DSG3: variants seen among roughly 807,000 people sequenced by gnomAD.
DSG3 encodes the protein desmoglein-3.
A neutral mutation model predicts 85.9 loss-of-function variants in DSG3; 63 were observed. The observed-to-expected ratio is 0.73, with a 90% confidence interval of 0.60 to 0.90. DSG3 has a LOEUF of 0.90. Ranked by LOEUF, DSG3 falls within the 40% of genes least tolerant of loss-of-function variation. DSG3 has a pLI of 0.00. For synonymous variants in DSG3, 447 were observed against 441.9 expected (o/e 1.01, Z -0.14); for missense variants, 1,220 against 1,219.9 (o/e 1.00, Z 0.00).
At chr18:31,473,425 G>T (rs998302147) in intron 14 of DSG3, among the ~76,000 whole-genome samples, 3 of 152,178 alleles carry the variant, frequency 2.0e-5, no homozygotes, top group African/African-American at 7.2e-5. Flanking sequence ...TGAACTAAAA[G>T]AACAATAATA....
chr18:31,457,945 C>T (rs1162295345), intron 3 of DSG3, among the ~76,000 whole-genome samples: 1 of 151,958 alleles, frequency 6.6e-6, no homozygotes, highest in Non-Finnish European at 1.5e-5. Flanking sequence ...ACTGTTCTAA[C>T]TTTACATATA....
chr18:31,462,718 C>T (rs2144273962), intron 8 of DSG3, among the ~76,000 whole-genome samples: 1 of 152,256 alleles, frequency 6.6e-6, no homozygotes, highest in East Asian at 1.9e-4. Context: ...CTCCTTACTG[C>T]CTGTGCCCTG....
At position 31,458,546 on chromosome 18, in the gene DSG3, T is replaced by G; in HGVS notation, c.318T>G (p.Thr106=). 1.2e-6 allele frequency: 2 copies of G among 1,614,042 alleles called. No homozygotes were observed. Among genetic ancestry groups the G allele is most frequent in the Non-Finnish European group, 1.7e-6 (2 of 1,179,950 alleles). The change falls in exon 4 of 16, where the codon ACT becomes ACG. Residue 106 remains threonine (T), a synonymous_variant. Transcript: ENST00000257189. ...PFGIFVVDKN[T]GDINITAIVD... The stretch of plus-strand genomic sequence containing the variant: ...GAATCTTTGTTGTTGACAAAAACAC[T>G]GGAGATATTAACATAACAGCTATAG...
chr18:31,458,259 G>T (rs1404198337), intron 3 of DSG3, among the ~76,000 whole-genome samples, 186 bp from the exon 4 acceptor site: 1 of 152,064 alleles, frequency 6.6e-6, no homozygotes, highest in Non-Finnish European at 1.5e-5. Flanking sequence ...GGTTCAGGCT[G>T]GTTGTCAAAA....
rs750092059 is a variant in DSG3, at chr18:31,469,185, T to C, written c.1733T>C (p.Met578Thr). ...LTDSQNNRCE[M>T]PRSLTLEVCQ... ...GACAGTCAGAACAATCGGTGTGAGA[T>C]GCCACGCAGCTTGACACTGGAAGTC... Residue 578 changes from methionine (M) to threonine (T), a missense_variant, in exon 12 of 16, where the codon ATG (methionine) becomes ACG (threonine). Met to Thr is a moderately conservative substitution (Grantham distance 81). Transcript: ENST00000257189. 3 of 1,614,170 alleles carry C rather than the reference T, an allele frequency of 1.9e-6. No individual in the cohort carries two copies. Among genetic ancestry groups the C allele is most frequent in the Non-Finnish European group, 2.5e-6 (3 of 1,180,034 alleles).
At chr18:31,471,861 G>A (rs769371190) in intron 12 of DSG3, among the ~76,000 whole-genome samples, 17 of 152,050 alleles carry the variant, frequency 1.1e-4, no homozygotes, top group Middle Eastern at 3.2e-3. Flanking sequence ...AAACACCATC[G>A]TGCCCACCTA....
At chr18:31,451,037 G>C (rs2072708633) in intron 1 of DSG3, among the ~76,000 whole-genome samples, 1 of 152,078 alleles carries the variant, frequency 6.6e-6, no homozygotes, top group Non-Finnish European at 1.5e-5. Context: ...AGCTATATTT[G>C]GGAGGAGAAG....
At chr18:31,453,908 C>T (rs1051267760) in intron 1 of DSG3, among the ~76,000 whole-genome samples, 1 of 151,886 alleles carries the variant, frequency 6.6e-6, no homozygotes, top group Non-Finnish European at 1.5e-5. Flanking sequence ...TAAATATATA[C>T]AATTTTGTCA....
At chr18:31,457,228 C>T in intron 3 of DSG3, 104 bp downstream of exon 3, 1 of 1,156,306 alleles carries the variant, frequency 8.6e-7, no homozygotes, top group Non-Finnish European at 1.2e-6. Context: ...ACTGGGGAGT[C>T]CACAGAACAA....
At chr18:31,462,046 T>G (rs2072789752) in intron 8 of DSG3, among the ~76,000 whole-genome samples, 1 of 151,948 alleles carries the variant, frequency 6.6e-6, no homozygotes, top group Non-Finnish European at 1.5e-5. Context: ...TTTTTGTTGT[T>G]GTGGTTGTGG....
In DSG3 at chr18:31,476,378, C is replaced by A; in HGVS notation, c.*118C>A. 1 of 1,193,996 alleles carries A rather than the reference C, an allele frequency of 8.4e-7. No homozygotes were observed. Among genetic ancestry groups the A allele is most frequent in the Non-Finnish European group, 1.2e-6 (1 of 860,848 alleles). 74.0% of individuals were successfully genotyped at this position (1,193,996 alleles called of 1,614,324 possible). Reference sequence around the variant, plus strand: ...TAATTTGGCACTTATTAGCTTCTCTCATAAACTGATCACGATTATAAATTA... The same window carrying A: ...TAATTTGGCACTTATTAGCTTCTCTAATAAACTGATCACGATTATAAATTA... On this transcript the variant is annotated 3_prime_UTR_variant, in exon 16 of 16. Coordinates refer to ENST00000257189, the MANE Select transcript of DSG3 (RefSeq NM_001944.3).
chr18:31,459,702 A>T, intron 5 of DSG3, 143 bp from the exon 6 acceptor site: 1 of 761,268 alleles, frequency 1.3e-6, no homozygotes, highest in South Asian at 2.0e-5. Flanking sequence ...GAGGTATCAC[A>T]AGTGATATAC....
intron 11 of DSG3, among the ~76,000 whole-genome samples, chr18:31,467,843 C>G (rs1339640170): frequency 6.6e-6 from 1 of 152,212 alleles, no homozygotes; most frequent in African/African-American, 2.4e-5. Context: ...GGATCTTGAT[C>G]TTCATGGTCA....
chr18:31,472,604 T>C, intron 13 of DSG3, 121 bp from the exon 14 acceptor site: 1 of 1,282,744 alleles, frequency 7.8e-7, no homozygotes, highest in East Asian at 2.5e-5. Context: ...TGGTTATCGC[T>C]GAAAGAATTT....
chr18:31,461,900 C>A (rs374253627), intron 8 of DSG3, among the ~76,000 whole-genome samples: 1 of 152,186 alleles, frequency 6.6e-6, no homozygotes, highest in East Asian at 1.9e-4. Flanking sequence ...TGAACAAAAT[C>A]TGCAAAATAA....
intron 3 of DSG3, 115 bp downstream of exon 3, chr18:31,457,239 G>A: frequency 1.1e-6 from 1 of 946,556 alleles, no homozygotes; most frequent in Non-Finnish European, 1.5e-6. Flanking sequence ...CACAGAACAA[G>A]TGAACTGGTA....
At chr18:31,465,131 A>AG (rs1303318937) in intron 9 of DSG3, among the ~76,000 whole-genome samples, 187 bp from the exon 10 acceptor site, 1 of 152,076 alleles carries the variant, frequency 6.6e-6, no homozygotes, top group Non-Finnish European at 1.5e-5. Context: ...GTCTCAAAAA[A>AG]AAAAAAAAGA....
At chr18:31,456,921 T>A (rs1475909522) in intron 2 of DSG3, 72 bp from the exon 3 acceptor site, 2 of 1,495,832 alleles carry the variant, frequency 1.3e-6, no homozygotes, top group Non-Finnish European at 9.0e-7. Context: ...CTCAACTAGG[T>A]GTCTGTAATC....
In DSG3 at chr18:31,459,191, A is replaced by T; in HGVS notation, c.517+14A>T. 6.2e-7 allele frequency: 1 copy of T among 1,602,804 alleles called. No homozygotes were observed. Among genetic ancestry groups the T allele is most frequent in the Non-Finnish European group, 8.5e-7 (1 of 1,176,904 alleles). On this transcript the variant is annotated intron_variant, in intron 5 of 15. Transcript: ENST00000257189. ...ATAGTGCCTCAAGTAAGTCTTTTAC[A>T]GTACTTACCACTTTCAGTTTATCTA...
Sources: gnomAD v4.1 joint callset for allele counts (sites outside exome capture counted in the v4.1 genomes callset) on GRCh38, gnomAD v4.1.1 for gene constraint, MANE v1.5 for transcripts, NCBI Gene and HGNC (gene_info 2026-07-23, HGNC 2026-07-21) for gene names.